Variants in R3HCC1L observed in about 807,000 individuals in gnomAD.
R3HCC1L encodes the protein coiled-coil domain-containing protein R3HCC1L.
A neutral mutation model predicts 59.9 loss-of-function variants in R3HCC1L; 51 were observed. That is an observed-to-expected ratio of 0.85 (90% CI 0.68 to 1.07). The LOEUF is 1.07. Among genes scored for constraint, R3HCC1L ranks in the 50% least tolerant of loss-of-function variants. The probability of loss-of-function intolerance (pLI) is 0.00; values close to 1 mark genes in which losing one functional copy is unlikely to be tolerated. For missense variants in R3HCC1L, 965 were observed against 933.0 expected (o/e 1.03, Z -0.45); for synonymous variants, 322 against 315.2 (o/e 1.02, Z -0.23).
chr10:98,228,965 C>G (rs1419835263), intron 5 of R3HCC1L, among the ~76,000 whole-genome samples: 1 of 152,102 alleles, frequency 6.6e-6, no homozygotes, highest in Admixed American at 6.6e-5. Context: ...GTACCAGTAC[C>G]ATGCTGTTTT....
At chr10:98,137,433 AT>A (rs1844707521) in intron 1 of R3HCC1L, among the ~76,000 whole-genome samples, 1 of 152,116 alleles carries the variant, frequency 6.6e-6, no homozygotes, top group African/African-American at 2.4e-5. Context: ...AGTTCTCATT[AT>A]TTTGTTGCTG....
At chr10:98,237,323 TG>T (rs1226402982) in intron 9 of R3HCC1L, among the ~76,000 whole-genome samples, 3 of 152,196 alleles carry the variant, frequency 2.0e-5, no homozygotes, top group Non-Finnish European at 4.4e-5. Context: ...CTTAACCCTT[TG>T]TTAATTGGTT....
intron 4 of R3HCC1L, among the ~76,000 whole-genome samples, chr10:98,196,204 T>C (rs1851417145): frequency 1.3e-5 from 2 of 151,858 alleles, no homozygotes; most frequent in Non-Finnish European, 2.9e-5. Context: ...AAATTATTTA[T>C]CTATGCCTTT....
intron 5 of R3HCC1L, among the ~76,000 whole-genome samples, chr10:98,213,197 C>T (rs1387556426): frequency 6.6e-6 from 1 of 152,058 alleles, no homozygotes; most frequent in Admixed American, 6.6e-5. Context: ...CCCTCGAGGC[C>T]TCATAAATAG....
chr10:98,154,602 T>TAGCCACAC (rs112463522), intron 1 of R3HCC1L, among the ~76,000 whole-genome samples: 6,961 of 152,246 alleles, frequency 0.046, 497 homozygotes, highest in African/African-American at 0.16. Context: ...CTTAGCCACA[T>TAGCCACAC]AGCCACACCT....
intron 4 of R3HCC1L, among the ~76,000 whole-genome samples, chr10:98,174,220 G>A (rs1206661393): frequency 1.3e-5 from 2 of 152,152 alleles, no homozygotes; most frequent in Non-Finnish European, 2.9e-5. Flanking sequence ...CTATTTAAGT[G>A]TTTTAATGTT....
intron 4 of R3HCC1L, among the ~76,000 whole-genome samples, chr10:98,184,560 A>G (rs1850022839): frequency 2.6e-5 from 4 of 152,210 alleles, no homozygotes; most frequent in African/African-American, 9.7e-5. Context: ...TGTTCTCACA[A>G]TGAAATCACC....
In R3HCC1L at chr10:98,244,257, G is replaced by A. The variant is rs1857871448; in HGVS notation, c.*99G>A. 7.0e-6 allele frequency: 8 copies of A among 1,148,864 alleles called. No individual in the cohort carries two copies. In the East Asian group the frequency reaches 1.5e-4, roughly 21 times the overall value. 71.2% of individuals were successfully genotyped at this position (1,148,864 alleles called of 1,614,324 possible). On this transcript the variant is annotated 3_prime_UTR_variant, in exon 10 of 10. Coordinates refer to ENST00000298999, the MANE Select transcript of R3HCC1L (RefSeq NM_001351015.2). Reference sequence around the variant, plus strand: ...CAGAGCTCTATGTACATGCAGATGTGCATGTTAAAGAGATAAAGTGATCGA... The same window carrying A: ...CAGAGCTCTATGTACATGCAGATGTACATGTTAAAGAGATAAAGTGATCGA...
chr10:98,155,095 C>T (rs1056037668), intron 1 of R3HCC1L, among the ~76,000 whole-genome samples: 7 of 152,148 alleles, frequency 4.6e-5, no homozygotes, highest in African/African-American at 1.7e-4. Flanking sequence ...TAATTTTACC[C>T]AGTCTTCTAT....
intron 4 of R3HCC1L, among the ~76,000 whole-genome samples, chr10:98,195,559 G>T: frequency 6.7e-6 from 1 of 149,506 alleles, no homozygotes. Flanking sequence ...TTGCTTTTAG[G>T]TTTATTGTAA....
intron 5 of R3HCC1L, among the ~76,000 whole-genome samples, chr10:98,216,370 C>T (rs779798669): frequency 3.9e-5 from 6 of 151,930 alleles, no homozygotes; most frequent in South Asian, 2.1e-4. Context: ...AAAACTTAGC[C>T]GGGCGTAGTG....
intron 4 of R3HCC1L, among the ~76,000 whole-genome samples, chr10:98,191,291 T>G (rs1325544514): frequency 1.3e-5 from 2 of 152,218 alleles, no homozygotes; most frequent in Non-Finnish European, 2.9e-5. Flanking sequence ...GCATTCCTAT[T>G]TCTCCACATC....
chr10:98,208,715 A>G lies in R3HCC1L; in HGVS notation c.601A>G (p.Lys201Glu). 1 of 1,614,138 alleles carries G rather than the reference A, an allele frequency of 6.2e-7. No homozygotes were observed. The highest frequency in any genetic ancestry group is 1.1e-5 in the South Asian group (1 of 91,080). The change falls in exon 5 of 10, where the codon AAA becomes GAA. Residue 201 changes from lysine (K) to glutamate (E), a missense_variant. Transcript: ENST00000298999. ...ACCTGATGGGGAAGCATTTGAAGACAAAGATTTGGAAGGCAGAATTGAAAC... is the reference window on the plus strand; with the variant it reads ...ACCTGATGGGGAAGCATTTGAAGACGAAGATTTGGAAGGCAGAATTGAAAC... ...HEPDGEAFEDKDLEGRIETDT... is the reference protein window; with the variant it reads ...HEPDGEAFEDEDLEGRIETDT...
chr10:98,163,501 A>G (rs1456839907), intron 4 of R3HCC1L, 104 bp downstream of exon 4: 5 of 722,668 alleles, frequency 6.9e-6, no homozygotes, highest in Non-Finnish European at 1.0e-5. Flanking sequence ...TTATTTTGTA[A>G]CTGTCATGTA....
rs188390947 is a variant in R3HCC1L at position 98,234,489 on chromosome 10, C to T, written c.2005C>T (p.Leu669=). ...TAAATGGGTGGATGATACACATGCCCTAGGAGTATTCTCCAGTCCAATTAC... is the reference window on the plus strand; with the variant it reads ...TAAATGGGTGGATGATACACATGCCTTAGGAGTATTCTCCAGTCCAATTAC... The part of the protein sequence containing the change: ...DIKWVDDTHA[L]GVFSSPITAR... The change falls in exon 7 of 10, where the codon CTA becomes TTA. Residue 669 remains leucine (L), a synonymous_variant. Transcript: ENST00000298999. 6.2e-7 allele frequency: 1 copy of T among 1,613,458 alleles called. No homozygotes were observed. The highest frequency in any genetic ancestry group is 8.5e-7 in the Non-Finnish European group (1 of 1,179,664).
At chr10:98,171,145 A>G (rs960426483) in intron 4 of R3HCC1L, among the ~76,000 whole-genome samples, 1 of 152,228 alleles carries the variant, frequency 6.6e-6, no homozygotes, top group Non-Finnish European at 1.5e-5. Flanking sequence ...TGAGAAATAT[A>G]GTAGCGTGAG....
At chr10:98,153,598 G>A (rs1414832424) in intron 1 of R3HCC1L, among the ~76,000 whole-genome samples, 10 of 94,664 alleles carry the variant, frequency 1.1e-4, no homozygotes, top group Middle Eastern at 8.6e-3. Flanking sequence ...AAACACCCAA[G>A]AATGATCAAT....
chr10:98,227,628 A>G (rs1015071995), intron 5 of R3HCC1L, among the ~76,000 whole-genome samples: 1 of 151,182 alleles, frequency 6.6e-6, no homozygotes, highest in African/African-American at 2.4e-5. Context: ...CATGTGCACA[A>G]CGTGCAGGTT....
At chr10:98,146,251 T>C (rs1845644057) in intron 1 of R3HCC1L, among the ~76,000 whole-genome samples, 1 of 152,176 alleles carries the variant, frequency 6.6e-6, no homozygotes, top group Non-Finnish European at 1.5e-5. Flanking sequence ...GGGGGGGACA[T>C]GTGATAATAA....
Sources: gnomAD v4.1 joint callset for allele counts (sites outside exome capture counted in the v4.1 genomes callset) on GRCh38, gnomAD v4.1.1 for gene constraint, MANE v1.5 for transcripts, NCBI Gene and HGNC (gene_info 2026-07-23, HGNC 2026-07-21) for gene names.